The following TXK variants were observed in gnomAD, a reference collection of about 807,000 sequenced individuals.
The protein encoded by TXK is tyrosine-protein kinase TXK.
A neutral mutation model predicts 81.0 loss-of-function variants in TXK; 60 were observed. The observed-to-expected ratio is 0.74, with a 90% CI of 0.60 to 0.92. The LOEUF (loss-of-function observed/expected upper bound fraction) is 0.92. TXK is among the 40% of genes least tolerant of loss of function. The probability of loss-of-function intolerance (pLI) is 0.00; values close to 1 mark genes in which losing one functional copy is unlikely to be tolerated. For missense variants in TXK, 581 were observed against 638.3 expected (o/e 0.91, Z 0.97); for synonymous variants, 203 against 210.7 (o/e 0.96, Z 0.32).
At chr4:48,095,252 C>G in intron 6 of TXK, 30 bp from the exon 7 acceptor site, 1 of 1,562,984 alleles carries the variant, frequency 6.4e-7, no homozygotes, top group Non-Finnish European at 8.8e-7. Flanking sequence ...TTGAATAAGT[C>G]TATTCCTTCT....
At chr4:48,132,424 ATT>A (rs1719268615) in intron 1 of TXK, among the ~76,000 whole-genome samples, 1 of 152,196 alleles carries the variant, frequency 6.6e-6, no homozygotes, top group Non-Finnish European at 1.5e-5. Flanking sequence ...GTTTCTTTAT[ATT>A]TTGTTGCAAG....
At chr4:48,081,636 C>T (rs2109411483) in intron 10 of TXK, among the ~76,000 whole-genome samples, 1 of 152,248 alleles carries the variant, frequency 6.6e-6, no homozygotes, top group Non-Finnish European at 1.5e-5. Flanking sequence ...CCTAAGTAAT[C>T]GCATTAAGTT....
chr4:48,099,007 C>CT (rs1718087150), intron 6 of TXK, among the ~76,000 whole-genome samples: 1 of 152,062 alleles, frequency 6.6e-6, no homozygotes, highest in Non-Finnish European at 1.5e-5. Flanking sequence ...GCATTTCATA[C>CT]TGTTCTGGAG....
At position 48,066,596 on chromosome 4, in the gene TXK, A is replaced by G. The variant is rs1716611747; in HGVS notation, c.*1041T>C. 6.6e-6 allele frequency: 1 copy of G among 152,220 alleles called. No homozygotes were observed. The highest frequency in any genetic ancestry group is 2.4e-5 in the African/African-American group (1 of 41,458). 9.4% of individuals were successfully genotyped at this position (152,220 alleles called of 1,614,324 possible). ...TAATGGGCTCCTGTTGTCAGACTTC[A>G]TGGTGATTACATTAGTGCTTTCTCC... is the stretch of plus-strand genomic sequence containing the variant. On this transcript the variant is annotated 3_prime_UTR_variant, in exon 15 of 15. Transcript: ENST00000264316.
intron 5 of TXK, among the ~76,000 whole-genome samples, chr4:48,110,043 C>G (rs879510940): frequency 1.1e-4 from 17 of 152,208 alleles, no homozygotes; most frequent in Admixed American, 4.6e-4. Flanking sequence ...GCTAAGATTT[C>G]CTCCATCTTC....
chr4:48,133,781 T>G (rs1398484372), intron 1 of TXK, among the ~76,000 whole-genome samples: 1 of 152,186 alleles, frequency 6.6e-6, no homozygotes, highest in African/African-American at 2.4e-5. Flanking sequence ...AGTTGCCCAC[T>G]GTGATCCACC....
chr4:48,133,897 A>G (rs2109492954), intron 1 of TXK, among the ~76,000 whole-genome samples: 1 of 152,034 alleles, frequency 6.6e-6, no homozygotes, highest in East Asian at 1.9e-4. Context: ...TTGCATTTCT[A>G]CACACACATA....
At chr4:48,117,784 C>G (rs1718851800) in intron 1 of TXK, among the ~76,000 whole-genome samples, 1 of 152,130 alleles carries the variant, frequency 6.6e-6, no homozygotes, top group African/African-American at 2.4e-5. Context: ...CCTACAGGAC[C>G]CTACCTGAAC....
At chr4:48,104,115 T>TAGCTTTAAGCTTTAAGCTTTA (rs1301655772) in intron 6 of TXK, among the ~76,000 whole-genome samples, 1 of 144,062 alleles carries the variant, frequency 6.9e-6, no homozygotes, top group Admixed American at 7.6e-5. Flanking sequence ...GGTGGGAGGA[T>TAGCTTTAAGCTTTAAGCTTTA]AGCTTTAAGC....
intron 14 of TXK, among the ~76,000 whole-genome samples, chr4:48,071,148 C>T (rs903440024): frequency 1.3e-5 from 2 of 152,070 alleles, no homozygotes; most frequent in African/African-American, 4.8e-5. Flanking sequence ...GATCCACCCG[C>T]CTCGGCCTCC....
intron 14 of TXK, 49 bp downstream of exon 14, chr4:48,071,468 C>A: frequency 6.4e-7 from 1 of 1,567,192 alleles, no homozygotes; most frequent in South Asian, 1.2e-5. Context: ...CAGGTCTGCT[C>A]TCAGATGCTG....
chr4:48,080,349 C>G (rs183117160), intron 10 of TXK, among the ~76,000 whole-genome samples: 1 of 152,308 alleles, frequency 6.6e-6, no homozygotes, highest in Admixed American at 6.5e-5. Flanking sequence ...AGAGTGGAGA[C>G]AGAATATACA....
intron 1 of TXK, among the ~76,000 whole-genome samples, chr4:48,133,529 CA>C (rs1719298148): frequency 6.6e-6 from 1 of 152,136 alleles, no homozygotes; most frequent in Non-Finnish European, 1.5e-5. Context: ...GCTCTGACTG[CA>C]GATAAGAATC....
At chr4:48,122,790 T>A (rs1282534510) in intron 1 of TXK, among the ~76,000 whole-genome samples, 3 of 152,214 alleles carry the variant, frequency 2.0e-5, no homozygotes, top group Non-Finnish European at 4.4e-5. Flanking sequence ...TCATTCCTAG[T>A]GGAAATTTGC....
At chr4:48,115,726 A>G (rs1235378459) in intron 1 of TXK, among the ~76,000 whole-genome samples, 2 of 152,058 alleles carry the variant, frequency 1.3e-5, no homozygotes, top group African/African-American at 4.8e-5. Context: ...ATGGTGGTGC[A>G]TGCCTGTAGT....
At chr4:48,077,790 G>T (rs1271318941) in intron 11 of TXK, among the ~76,000 whole-genome samples, 2 of 152,096 alleles carry the variant, frequency 1.3e-5, no homozygotes, top group African/African-American at 4.8e-5. Context: ...CTACATGCTA[G>T]ACACTGTTTA....
rs149183519 is a variant in TXK at position 48,114,363 on chromosome 4, C to A, written c.56G>T (p.Cys19Phe). Residue 19 changes from cysteine to phenylalanine, a missense_variant, in exon 2 of 15, where the codon TGT (cysteine) becomes TTT (phenylalanine). Physicochemically the swap from Cys to Phe is radical, Grantham distance 205. Coordinates refer to ENST00000264316, the MANE Select transcript of TXK (RefSeq NM_003328.3). ...GTAGACTTACCGCTTCTGCACTGAACAGCAACAGCAGCAACAGAAAACCGA... is the reference window on the plus strand; with the variant it reads ...GTAGACTTACCGCTTCTGCACTGAAAAGCAACAGCAGCAACAGAAAACCGA... ...IQSVFCCCCCCSVQKRQMRTQ... is the reference protein window; with the variant it reads ...IQSVFCCCCCFSVQKRQMRTQ... The A allele has an allele frequency of 4.5e-5, 73 of 1,614,066 alleles. No homozygotes were observed. In the African/African-American group the frequency reaches 8.4e-4, roughly 19 times the overall value.
At chr4:48,092,181 T>C (rs781010028) in intron 8 of TXK, among the ~76,000 whole-genome samples, 1 of 152,144 alleles carries the variant, frequency 6.6e-6, no homozygotes, top group Non-Finnish European at 1.5e-5. Flanking sequence ...GCCTGCGGGA[T>C]TGCAAGTGCC....
chr4:48,094,299 A>G (rs1462980924), intron 7 of TXK, 95 bp from the exon 8 acceptor site: 1 of 1,391,680 alleles, frequency 7.2e-7, no homozygotes, highest in Admixed American at 1.8e-5. Context: ...TCTAAAACTC[A>G]TCCTAGCAAC....
Sources: allele counts gnomAD v4.1 joint callset (sites outside exome capture counted in the v4.1 genomes callset), GRCh38; gene constraint gnomAD v4.1.1; transcripts MANE v1.5; gene names NCBI Gene and HGNC (gene_info 2026-07-23, HGNC 2026-07-21).